The following TRARG1 variants were observed in gnomAD, a reference collection of about 807,000 sequenced individuals.
The protein encoded by TRARG1 is trafficking regulator of GLUT4 1.
Under a neutral mutation model 13.3 loss-of-function variants are expected in TRARG1, and 16 were observed. That is an observed-to-expected ratio of 1.20 (90% confidence interval 0.81 to 1.83). TRARG1 has a LOEUF of 1.83. TRARG1 is among the 40% of genes most tolerant of loss of function. The probability of loss-of-function intolerance (pLI) is 0.00; values close to 1 mark genes in which losing one functional copy is unlikely to be tolerated. For synonymous variants in TRARG1, 113 were observed against 106.2 expected (o/e 1.06, Z -0.39); for missense variants, 250 against 237.4 (o/e 1.05, Z -0.35).
intron 1 of TRARG1, among the ~76,000 whole-genome samples, chr17:1,282,029 C>CAT (rs934777072): frequency 2.2e-5 from 3 of 136,672 alleles, no homozygotes; most frequent in African/African-American, 7.8e-5. Context: ...TACATATGTA[C>CAT]ATATATACAC....
intron 1 of TRARG1, among the ~76,000 whole-genome samples, chr17:1,293,731 G>C (rs971079249): frequency 8.5e-5 from 13 of 152,118 alleles, no homozygotes; most frequent in Non-Finnish European, 1.3e-4. Context: ...TGAATTTGAT[G>C]ATGTCACGCT....
intron 1 of TRARG1, among the ~76,000 whole-genome samples, chr17:1,282,072 A>ATACACATG (rs1224695155): frequency 2.0e-5 from 3 of 150,354 alleles, no homozygotes; most frequent in African/African-American, 7.3e-5. Flanking sequence ...GTATACACAT[A>ATACACATG]TATACATATA....
intron 1 of TRARG1, among the ~76,000 whole-genome samples, chr17:1,294,719 G>A (rs1254918450): frequency 7.6e-6 from 1 of 132,068 alleles, no homozygotes; most frequent in Non-Finnish European, 1.6e-5. Context: ...ACGGAGTCTT[G>A]CTGTCTCCCA....
chr17:1,298,405 C>G lies in TRARG1; in HGVS notation c.*141C>G, dbSNP rs535766382. 1 of 835,880 alleles carries G rather than the reference C, an allele frequency of 1.2e-6. No individual in the cohort carries two copies. Among genetic ancestry groups the G allele is most frequent in the Non-Finnish European group, 1.8e-6 (1 of 543,418 alleles). The allele number at this position is 835,880 out of a possible 1,614,324, so 51.8% of individuals were successfully genotyped here. A position where few individuals can be genotyped will look rare whatever the true frequency, so the allele number is the denominator to read the frequency against. On this transcript the variant is annotated 3_prime_UTR_variant, in exon 3 of 3. Transcript: ENST00000333813. ...CAAAAGCACAGACTCAAAGGGAAAC[C>G]CCCCAGTCACCCACTGTCAGCCCCC...
At chr17:1,290,845 G>T (rs780932559) in intron 1 of TRARG1, among the ~76,000 whole-genome samples, 3 of 151,916 alleles carry the variant, frequency 2.0e-5, no homozygotes, top group Admixed American at 6.5e-5. Flanking sequence ...AATCATGGGG[G>T]TGGTTACCCC....
chr17:1,282,233 T>TACATATATGC (rs1567928208), intron 1 of TRARG1, among the ~76,000 whole-genome samples: 5 of 124,124 alleles, frequency 4.0e-5, no homozygotes, highest in South Asian at 5.4e-4. Context: ...TGCGTATATG[T>TACATATATGC]ACGTATATGC....
At chr17:1,294,217 C>T (rs1468537722) in intron 1 of TRARG1, among the ~76,000 whole-genome samples, 4 of 151,984 alleles carry the variant, frequency 2.6e-5, no homozygotes, top group Admixed American at 6.6e-5. Context: ...CAAGTCATCC[C>T]GGGACCCTCC....
chr17:1,290,032 G>A (rs547224255), intron 1 of TRARG1, among the ~76,000 whole-genome samples: 1 of 152,130 alleles, frequency 6.6e-6, no homozygotes, highest in Non-Finnish European at 1.5e-5. Flanking sequence ...TTCAAGTCCT[G>A]TTCCTCCCCC....
intron 1 of TRARG1, among the ~76,000 whole-genome samples, chr17:1,286,119 G>A (rs925560015): frequency 1.2e-4 from 18 of 152,238 alleles, no homozygotes; most frequent in African/African-American, 4.1e-4. Context: ...CCTGTCCCTG[G>A]CAGCCTGAAG....
At position 1,279,991 on chromosome 17, in the gene TRARG1, C is replaced by A. The variant is rs553766159; in HGVS notation, c.-11C>A. ...AGCCTGGAGCTGCAGCCGCGCAAGG[C>A]CCAGGCCCCCATGGCCCACCCGGTG... On this transcript the variant is annotated 5_prime_UTR_variant, in exon 1 of 3. Transcript: ENST00000333813. 6.2e-7 allele frequency: 1 copy of A among 1,605,832 alleles called. No individual in the cohort carries two copies. Among genetic ancestry groups the A allele is most frequent in the African/African-American group, 1.3e-5 (1 of 74,934 alleles).
At chr17:1,294,646 A>G (rs1171746349) in intron 1 of TRARG1, among the ~76,000 whole-genome samples, 1 of 138,902 alleles carries the variant, frequency 7.2e-6, no homozygotes, top group East Asian at 2.1e-4. Context: ...TTTGTATTTT[A>G]TTAGAGACGG....
chr17:1,289,706 A>G (rs2072056847), intron 1 of TRARG1, among the ~76,000 whole-genome samples: 1 of 150,496 alleles, frequency 6.6e-6, no homozygotes, highest in Non-Finnish European at 1.5e-5. Context: ...CTGTCTGTGG[A>G]CCTTTCCTCT....
chr17:1,290,958 G>C (rs1057512219), intron 1 of TRARG1, among the ~76,000 whole-genome samples: 14 of 151,586 alleles, frequency 9.2e-5, no homozygotes, highest in Admixed American at 5.9e-4. Context: ...CAGGCTGGAG[G>C]GCAGTGGCAC....
In TRARG1 at chr17:1,295,635, C is replaced by A; in HGVS notation, c.520+12C>A. 6.2e-7 allele frequency: 1 copy of A among 1,604,670 alleles called. No individual in the cohort carries two copies. On this transcript the variant is annotated intron_variant, in intron 2 of 2. Coordinates refer to ENST00000333813, the MANE Select transcript of TRARG1 (RefSeq NM_172367.3). ...CGTCAACTTCACAGGTGAGACCCAGCTCCTTGGAGAGGAGGAAGCCAGCTT... is the reference window on the plus strand; with the variant it reads ...CGTCAACTTCACAGGTGAGACCCAGATCCTTGGAGAGGAGGAAGCCAGCTT...
chr17:1,297,493 C>T (rs1188432222), intron 2 of TRARG1, among the ~76,000 whole-genome samples: 2 of 151,644 alleles, frequency 1.3e-5, no homozygotes, highest in Non-Finnish European at 2.9e-5. Context: ...CATGCAGGTA[C>T]ATGCAAGGCA....
At chr17:1,296,410 G>T (rs1439569616) in intron 2 of TRARG1, among the ~76,000 whole-genome samples, 3 of 151,882 alleles carry the variant, frequency 2.0e-5, no homozygotes, top group African/African-American at 7.3e-5. Flanking sequence ...GGCCAGGTTG[G>T]TCTCGAACTC....
chr17:1,294,468 C>CTTTTTTTTTTTT (rs542504095), intron 1 of TRARG1, among the ~76,000 whole-genome samples: 1 of 113,446 alleles, frequency 8.8e-6, no homozygotes, highest in Non-Finnish European at 1.7e-5. Context: ...AAGACAGTGT[C>CTTTTTTTTTTTT]TTTTTTTTTT....
At chr17:1,281,267 G>A (rs2071970650) in intron 1 of TRARG1, among the ~76,000 whole-genome samples, 1 of 152,160 alleles carries the variant, frequency 6.6e-6, no homozygotes, top group African/African-American at 2.4e-5. Flanking sequence ...TTATGAAAGG[G>A]TGGGGAGAGG....
chr17:1,291,889 G>A (rs1265399766), intron 1 of TRARG1, among the ~76,000 whole-genome samples: 1 of 152,196 alleles, frequency 6.6e-6, no homozygotes, highest in African/African-American at 2.4e-5. Context: ...GGGCCCAGTG[G>A]TTGTGGAAGA....
Sources: gnomAD v4.1 joint callset for allele counts (sites outside exome capture counted in the v4.1 genomes callset) on GRCh38, gnomAD v4.1.1 for gene constraint, MANE v1.5 for transcripts, NCBI Gene and HGNC (gene_info 2026-07-23, HGNC 2026-07-21) for gene names.